Variants in HSD17B3 observed in about 807,000 individuals in gnomAD.
The protein encoded by HSD17B3 is hydroxysteroid 17-beta dehydrogenase 3.
HSD17B3 carries 29 observed loss-of-function variants against 41.1 expected under a neutral mutation model. That is an observed-to-expected ratio of 0.71 (90% CI 0.53 to 0.96). The LOEUF (loss-of-function observed/expected upper bound fraction) is 0.96. Ranked by LOEUF, HSD17B3 falls within the 40% of genes least tolerant of loss-of-function variation. HSD17B3 has a pLI of 0.00. For missense variants in HSD17B3, 323 were observed against 374.6 expected, an observed-to-expected ratio of 0.86 and a Z score of 1.14; for synonymous variants, 126 against 145.6, an observed-to-expected ratio of 0.87 and a Z score of 0.97.
At chr9:96,281,485 T>C (rs1826689276) in intron 2 of HSD17B3, among the ~76,000 whole-genome samples, 1 of 152,030 alleles carries the variant, frequency 6.6e-6, no homozygotes. Context: ...TAGCCTTGGG[T>C]TAGAGTCCTA....
At position 96,245,378 on chromosome 9, in the gene HSD17B3, AG is replaced by A; in HGVS notation, c.572del (p.Pro191LeufsTer36). 1 of 1,614,108 alleles carries A rather than the reference AG, an allele frequency of 6.2e-7. No individual in the cohort carries two copies. Among genetic ancestry groups the A allele is most frequent in the South Asian group, 1.1e-5 (1 of 91,080 alleles). ...CTGAGTACATGGAGTAGAGAGGCCA[AG>A]GAAACAGGGCTATCCCAGAAGAAAT... ...LNISSGIALF[P>X]WPLYSMYSAS... is the part of the protein sequence containing the mutation. On this transcript the variant is annotated frameshift_variant, in exon 8 of 11. Coordinates refer to ENST00000375263, the MANE Select transcript of HSD17B3 (RefSeq NM_000197.2). LOFTEE classifies it high-confidence loss of function.
At chr9:96,281,606 T>C (rs984534487) in intron 2 of HSD17B3, among the ~76,000 whole-genome samples, 2 of 152,182 alleles carry the variant, frequency 1.3e-5, no homozygotes, top group African/African-American at 4.8e-5. Flanking sequence ...CCCTACGGGA[T>C]GTTAACTGCT....
Position 96,251,404 on chromosome 9 carries a change from G to A in HSD17B3, c.453+14C>T, listed in dbSNP as rs374517705. The A allele has an allele frequency of 2.0e-5, 32 of 1,611,236 alleles. No individual in the cohort carries two copies. The highest frequency in any genetic ancestry group is 2.6e-5 in the Non-Finnish European group (31 of 1,177,478). ...GGATAAGAGGAATCTATACACAGAAGAGCACAAGTCTACCTGGATTTCATC... is the reference window on the plus strand; with the variant it reads ...GGATAAGAGGAATCTATACACAGAAAAGCACAAGTCTACCTGGATTTCATC... On this transcript the variant is annotated intron_variant, in intron 5 of 10. Transcript: ENST00000375263.
intron 2 of HSD17B3, among the ~76,000 whole-genome samples, chr9:96,281,974 T>A (rs1826713874): frequency 6.6e-6 from 1 of 152,246 alleles, no homozygotes; most frequent in Non-Finnish European, 1.5e-5. Flanking sequence ...AAAGGATTTG[T>A]GAGGCTAGTC....
At chr9:96,251,618 G>A (rs528047282) in intron 4 of HSD17B3, 133 bp from the exon 5 acceptor site, 129 of 811,814 alleles carry the variant, frequency 1.6e-4, no homozygotes, top group Admixed American at 3.2e-4. Flanking sequence ...GGAAACTGGG[G>A]GGAAGTTTTT....
chr9:96,263,743 A>C (rs1005547542), intron 2 of HSD17B3, among the ~76,000 whole-genome samples: 2 of 151,988 alleles, frequency 1.3e-5, no homozygotes, highest in Non-Finnish European at 2.9e-5. Context: ...AAATAAATAA[A>C]AAATAAAAAT....
intron 2 of HSD17B3, among the ~76,000 whole-genome samples, chr9:96,272,421 A>C (rs375822768): frequency 0.039 from 1,068 of 27,356 alleles, 27 homozygotes; most frequent in Non-Finnish European, 0.05. Context: ...ATATATATAT[A>C]TATATATATA....
At chr9:96,266,224 T>A (rs1280143205) in intron 2 of HSD17B3, among the ~76,000 whole-genome samples, 1 of 152,226 alleles carries the variant, frequency 6.6e-6, no homozygotes, top group Non-Finnish European at 1.5e-5. Context: ...GTTTAGTTTT[T>A]TCCTAGGAAA....
intron 6 of HSD17B3, 90 bp downstream of exon 6, chr9:96,249,661 C>CT: frequency 1.7e-6 from 2 of 1,169,804 alleles, no homozygotes; most frequent in Non-Finnish European, 2.6e-6. Context: ...AAGAATCCTG[C>CT]TTCTACAGTG....
At chr9:96,258,197 T>G (rs1335226681) in intron 2 of HSD17B3, among the ~76,000 whole-genome samples, 3 of 152,240 alleles carry the variant, frequency 2.0e-5, no homozygotes, top group Non-Finnish European at 4.4e-5. Context: ...ATATACTACT[T>G]GTAATATTAT....
chr9:96,298,456 G>C lies in HSD17B3; in HGVS notation c.161C>G (p.Thr54Ser). Residue 54 changes from threonine to serine, a missense_variant, in exon 2 of 11, where the codon ACT becomes AGT. Transcript: ENST00000375263. ...TTTCCCAATTCCATCGCCTGCTCCAGTGATCACTGTGAAAAGCAAGAATGC... is the reference window on the plus strand; with the variant it reads ...TTTCCCAATTCCATCGCCTGCTCCACTGATCACTGTGAAAAGCAAGAATGC... ...LRSMGQWAVI[T>S]GAGDGIGKAY... The C allele has an allele frequency of 6.2e-7, 1 of 1,613,316 alleles. No individual in the cohort carries two copies.
chr9:96,270,013 A>G (rs1319972997), intron 2 of HSD17B3, among the ~76,000 whole-genome samples: 1 of 152,146 alleles, frequency 6.6e-6, no homozygotes, highest in African/African-American at 2.4e-5. Context: ...GCATACCTGC[A>G]TATGCAATAG....
At chr9:96,284,146 T>A (rs1826813711) in intron 2 of HSD17B3, among the ~76,000 whole-genome samples, 1 of 142,116 alleles carries the variant, frequency 7.0e-6, no homozygotes, top group Non-Finnish European at 1.5e-5. Flanking sequence ...TGCTTGAACC[T>A]GGGAGGTTGC....
chr9:96,273,933 A>G (rs1487126037), intron 2 of HSD17B3, among the ~76,000 whole-genome samples: 1 of 152,172 alleles, frequency 6.6e-6, no homozygotes, highest in Admixed American at 6.5e-5. Context: ...TCCCCACCAA[A>G]GCCAGTTAAT....
intron 1 of HSD17B3, among the ~76,000 whole-genome samples, chr9:96,301,332 C>A (rs981722688): frequency 6.9e-6 from 1 of 145,574 alleles, no homozygotes; most frequent in Admixed American, 6.8e-5. Context: ...TCATCCCAGC[C>A]GTTGGGGAGG....
In HSD17B3 at chr9:96,242,757, C is replaced by T. The variant is rs576531234; in HGVS notation, c.672+1572G>A. Among the ~76,000 whole-genome samples, 6 of 152,280 alleles carry T rather than the reference C, an allele frequency of 3.9e-5. No individual in the cohort carries two copies. In the East Asian group the frequency reaches 7.7e-4, roughly 20 times the overall value. ...TCCTGCTCCATAGTACCCACTACCT[C>T]GGCAGCTGTGCCCCAAGGATCAAGA... On this transcript the variant is annotated intron_variant, in intron 9 of 10. Coordinates refer to ENST00000375263, the MANE Select transcript of HSD17B3 (RefSeq NM_000197.2).
intron 5 of HSD17B3, chr9:96,251,145 C>T (rs1836885012): frequency 7.6e-6 from 4 of 524,710 alleles, no homozygotes; most frequent in Non-Finnish European, 1.0e-5. Context: ...AAGTAGAGTG[C>T]AGCACCCCAG....
intron 2 of HSD17B3, among the ~76,000 whole-genome samples, chr9:96,285,254 T>C (rs1333832935): frequency 6.6e-6 from 1 of 152,226 alleles, no homozygotes; most frequent in Non-Finnish European, 1.5e-5. Flanking sequence ...TTGTCTTTAC[T>C]AAAAATGGGA....
In HSD17B3 at chr9:96,235,528, C is replaced by T. The variant is rs2066479; in HGVS notation, c.865G>A (p.Gly289Ser). 0.062 allele frequency: 99,701 copies of T among 1,613,652 alleles called. 4,380 individuals are homozygous for T. The highest frequency in any genetic ancestry group is 0.24 in the East Asian group (10,730 of 44,856). ...GTCAGGAGCAGCCTTTGGAAGGCAC[C>T]GCTGTAGAAGGCCCAGGCCGGGATC... ...SLIPAWAFYS[G>S]AFQRLLLTHY... The change falls in exon 11 of 11, where the codon GGT becomes AGT. Residue 289 changes from glycine (G) to serine (S), a missense_variant. Physicochemically the swap from Gly to Ser is moderately conservative, Grantham distance 56 (BLOSUM62 0). Coordinates refer to ENST00000375263, the MANE Select transcript of HSD17B3 (RefSeq NM_000197.2).
Sources: allele counts gnomAD v4.1 joint callset (sites outside exome capture counted in the v4.1 genomes callset), GRCh38; gene constraint gnomAD v4.1.1; transcripts MANE v1.5; gene names NCBI Gene and HGNC (gene_info 2026-07-23, HGNC 2026-07-21).